INPP4A: variants seen among roughly 807,000 people sequenced by gnomAD.
The protein encoded by INPP4A is inositol polyphosphate-4-phosphatase, type I, 107kD.
Under a neutral mutation model 119.8 loss-of-function variants are expected in INPP4A, and 33 were observed. The observed-to-expected ratio is 0.28, with a 90% CI of 0.21 to 0.37. INPP4A has a LOEUF of 0.37. Ranked by LOEUF, INPP4A falls within the 10% of genes least tolerant of loss-of-function variation. INPP4A has a pLI of 1.00. For synonymous variants in INPP4A, 496 were observed against 500.7 expected (o/e 0.99, Z 0.12); for missense variants, 956 against 1,289.9 (o/e 0.74, Z 3.97).
At chr2:98,493,413 T>C (rs1399228644) in intron 1 of INPP4A, among the ~76,000 whole-genome samples, 1 of 149,488 alleles carries the variant, frequency 6.7e-6, no homozygotes, top group Non-Finnish European at 1.5e-5. Context: ...GTGACTGTTA[T>C]TTTTCTATTT....
At chr2:98,512,200 C>T (rs1370765819) in intron 1 of INPP4A, among the ~76,000 whole-genome samples, 1 of 152,234 alleles carries the variant, frequency 6.6e-6, no homozygotes, top group East Asian at 1.9e-4. Flanking sequence ...GTGCTTGCTC[C>T]TCAGTGTGTC....
At chr2:98,455,222 C>T (rs1695916333) in intron 1 of INPP4A, among the ~76,000 whole-genome samples, 1 of 152,098 alleles carries the variant, frequency 6.6e-6, no homozygotes, top group Non-Finnish European at 1.5e-5. Context: ...CCTATATTCC[C>T]AGCTTCTTGG....
At chr2:98,457,035 A>G (rs1424429360) in intron 1 of INPP4A, among the ~76,000 whole-genome samples, 1 of 152,168 alleles carries the variant, frequency 6.6e-6, no homozygotes, top group Non-Finnish European at 1.5e-5. Context: ...ACAACTTTGT[A>G]CCAACTTGCA....
In INPP4A at chr2:98,552,865, A is replaced by G; in HGVS notation, c.1243A>G (p.Thr415Ala). The G allele has an allele frequency of 6.2e-7, 1 of 1,613,874 alleles. No homozygotes were observed. The highest frequency in any genetic ancestry group is 8.5e-7 in the Non-Finnish European group (1 of 1,179,820). The part of the protein sequence containing the change: ...RAKEIIAQIN[T>A]LKTQVSYYAE... ...CAAGGAGATCATCGCCCAGATCAAC[A>G]CCCTGAAAACCCAAGTGAGTTACTA... Residue 415 changes from threonine to alanine, a missense_variant, in exon 14 of 25, where the codon ACC (threonine) becomes GCC (alanine). By Grantham distance (58) the Thr-to-Ala change is moderately conservative. Transcript: ENST00000409851.
chr2:98,591,993 C>T lies in INPP4A; in HGVS notation c.*4385C>T, dbSNP rs1700424639. 6.6e-6 allele frequency: 1 copy of T among 152,268 alleles called. No individual in the cohort carries two copies. Among genetic ancestry groups the T allele is most frequent in the Non-Finnish European group, 1.5e-5 (1 of 68,124 alleles). 9.4% of individuals were successfully genotyped at this position (152,268 alleles called of 1,614,324 possible). On this transcript the variant is annotated 3_prime_UTR_variant, in exon 25 of 25. Coordinates refer to ENST00000409851, the MANE Select transcript of INPP4A (RefSeq NM_001134225.2). Reference sequence around the variant, plus strand: ...ACTCTAAAGGGCTGCCAGCATTTCTCTTAAGCTGGGGGGAGAAGAGCTGTT... The same window carrying T: ...ACTCTAAAGGGCTGCCAGCATTTCTTTTAAGCTGGGGGGAGAAGAGCTGTT...
At position 98,533,477 on chromosome 2, in the gene INPP4A, A is replaced by C. The variant is rs374197209; in HGVS notation, c.252A>C (p.Ala84=). ...TPPQAFWTKH[A]QTEIIEGTNN... ...CTCAGGCATTCTGGACGAAGCATGC[A>C]CAGACGGAGATCATTGAGGTGGGTG... Residue 84 remains alanine, a synonymous_variant, in exon 5 of 25, where the codon GCA becomes GCC. Coordinates refer to ENST00000409851, the MANE Select transcript of INPP4A (RefSeq NM_001134225.2). 6.2e-7 allele frequency: 1 copy of C among 1,610,782 alleles called. No individual in the cohort carries two copies. The highest frequency in any genetic ancestry group is 1.7e-5 in the Admixed American group (1 of 60,014).
chr2:98,480,410 G>A (rs532619238), intron 1 of INPP4A, among the ~76,000 whole-genome samples: 1 of 152,328 alleles, frequency 6.6e-6, no homozygotes, highest in Admixed American at 6.5e-5. Context: ...AGAGAGAGGT[G>A]GAGTGACTTA....
intron 1 of INPP4A, among the ~76,000 whole-genome samples, chr2:98,471,875 G>T (rs76939825): frequency 6.6e-6 from 1 of 152,174 alleles, no homozygotes; most frequent in Non-Finnish European, 1.5e-5. Context: ...TGCCAGGGGT[G>T]TGTGGTCTGG....
chr2:98,549,097 C>G, intron 13 of INPP4A: 1 of 737,186 alleles, frequency 1.4e-6, no homozygotes, highest in Non-Finnish European at 2.3e-6. Flanking sequence ...TAGTTATACA[C>G]CTCATAAACA....
At chr2:98,537,799 T>G in intron 7 of INPP4A, 64 bp from the exon 8 acceptor site, 2 of 1,268,364 alleles carry the variant, frequency 1.6e-6, no homozygotes. Flanking sequence ...GCTAGGGCTT[T>G]GTATTTCAGC....
At chr2:98,581,506 T>C in intron 24 of INPP4A, 1 of 1,436,906 alleles carries the variant, frequency 7.0e-7, no homozygotes, top group Non-Finnish European at 9.2e-7. Flanking sequence ...GCATGTGTCT[T>C]CTTTTTTTCT....
chr2:98,554,533 C>T lies in INPP4A; in HGVS notation c.1566+44C>T. On this transcript the variant is annotated intron_variant, in intron 15 of 24. Coordinates refer to ENST00000409851, the MANE Select transcript of INPP4A (RefSeq NM_001134225.2). The surrounding 1 kb of genome is among the most constrained non-coding windows in gnomAD (Gnocchi z 4.7). ...CTGTCATCCCACTGCTGAACTTGGG[C>T]TGAAAACCACAAAACCTGTTGCCAG... 1 of 1,546,658 alleles carries T rather than the reference C, an allele frequency of 6.5e-7. No homozygotes were observed. The highest frequency in any genetic ancestry group is 8.8e-7 in the Non-Finnish European group (1 of 1,130,666).
intron 1 of INPP4A, among the ~76,000 whole-genome samples, chr2:98,484,994 G>A (rs189689573): frequency 2.6e-5 from 4 of 151,990 alleles, no homozygotes; most frequent in Admixed American, 2.6e-4. Context: ...AGTGGCTTCA[G>A]TCTTCCAATC....
chr2:98,474,741 CAT>C (rs1209435290), intron 1 of INPP4A, among the ~76,000 whole-genome samples: 2 of 152,226 alleles, frequency 1.3e-5, no homozygotes, highest in Admixed American at 6.5e-5. Context: ...GCAGGAATTT[CAT>C]AGTTACAGGT....
chr2:98,502,147 G>A (rs1303302847), intron 1 of INPP4A, among the ~76,000 whole-genome samples: 2 of 152,220 alleles, frequency 1.3e-5, no homozygotes, highest in South Asian at 2.1e-4. Context: ...AGTCCTGAGG[G>A]CATTAGGTGA....
chr2:98,590,396 G>C lies in INPP4A; in HGVS notation c.*2788G>C, dbSNP rs1700309384. ...AGCACACAGACCAGGTCCCAATCCTGGTTCTGCCCCTGACTGGCTGGTGAC... is the reference window on the plus strand; with the variant it reads ...AGCACACAGACCAGGTCCCAATCCTCGTTCTGCCCCTGACTGGCTGGTGAC... On this transcript the variant is annotated 3_prime_UTR_variant, in exon 25 of 25. Transcript: ENST00000409851. 5.3e-6 allele frequency: 1 copy of C among 187,518 alleles called. No homozygotes were observed. Among genetic ancestry groups the C allele is most frequent in the African/African-American group, 2.3e-5 (1 of 42,786 alleles). 11.6% of individuals were successfully genotyped at this position (187,518 alleles called of 1,614,324 possible). A position where few individuals can be genotyped will look rare whatever the true frequency, so the allele number is the denominator to read the frequency against.
At chr2:98,464,960 A>G (rs557980833) in intron 1 of INPP4A, among the ~76,000 whole-genome samples, 2 of 152,354 alleles carry the variant, frequency 1.3e-5, no homozygotes, top group South Asian at 4.1e-4. Flanking sequence ...AGGTTTTCAC[A>G]CAGCTTTTGA....
At chr2:98,584,724 A>G (rs1263031561) in intron 24 of INPP4A, among the ~76,000 whole-genome samples, 1 of 152,246 alleles carries the variant, frequency 6.6e-6, no homozygotes, top group Non-Finnish European at 1.5e-5. Flanking sequence ...AGAGCTAGCA[A>G]AAGGACACCA....
At chr2:98,515,954 G>A (rs1025002370) in intron 1 of INPP4A, among the ~76,000 whole-genome samples, 2 of 152,206 alleles carry the variant, frequency 1.3e-5, no homozygotes, top group African/African-American at 4.8e-5. Context: ...GGGGTCACAT[G>A]AGTGCGCAGA....
Sources: gnomAD v4.1 joint callset for allele counts (sites outside exome capture counted in the v4.1 genomes callset) on GRCh38, gnomAD v4.1.1 for gene constraint, Gnocchi (gnomAD v3.1) non-coding constraint, MANE v1.5 for transcripts, NCBI Gene and HGNC (gene_info 2026-07-23, HGNC 2026-07-21) for gene names.